Variants in SPAG17 observed in about 807,000 individuals in gnomAD.
SPAG17 encodes sperm associated antigen 17, also known as sperm-associated antigen 17.
Under a neutral mutation model 273.6 loss-of-function variants are expected in SPAG17, and 169 were observed. The ratio of observed to expected loss-of-function variants is 0.62; its 90% CI spans 0.55 to 0.70. SPAG17 has a LOEUF of 0.70. Ranked by LOEUF, SPAG17 falls within the 30% of genes least tolerant of loss-of-function variation. SPAG17 has a pLI of 0.00. For synonymous variants in SPAG17, 825 were observed against 873.2 expected (o/e 0.94, Z 0.97); for missense variants, 2,557 against 2,627.8 (o/e 0.97, Z 0.59).
intron 3 of SPAG17, among the ~76,000 whole-genome samples, chr1:118,141,551 T>G (rs1190182181): frequency 6.6e-6 from 1 of 152,242 alleles, no homozygotes; most frequent in Non-Finnish European, 1.5e-5. Context: ...GAGCAAGAAC[T>G]TTTTAATGAA....
chr1:117,955,014 TTATC>T lies in SPAG17; in HGVS notation c.*1-969_*1-966del, dbSNP rs565311581. ...GGAAGAGTGATGGGAGAATGTATGT[TTATC>T]TAGTAATCTCTAATTAGTATTTTAT... On this transcript the variant is annotated intron_variant, in intron 48 of 48. Transcript: ENST00000336338. The T allele has an allele frequency of 3.7e-4, 145 of 388,128 alleles. 1 individual carries two copies. The highest frequency in any genetic ancestry group is 2.1e-3 in the African/African-American group (99 of 48,184). The allele number at this position is 388,128 out of a possible 1,614,324, so 24.0% of individuals were successfully genotyped here.
chr1:118,176,650 A>G (rs1005140005), intron 1 of SPAG17, among the ~76,000 whole-genome samples: 1 of 152,206 alleles, frequency 6.6e-6, no homozygotes, highest in Non-Finnish European at 1.5e-5. Flanking sequence ...AATCCAGACC[A>G]AAAAATCACC....
At chr1:117,991,329 A>C (rs1657048754) in intron 37 of SPAG17, 86 bp downstream of exon 37, 1 of 761,508 alleles carries the variant, frequency 1.3e-6, no homozygotes, top group Non-Finnish European at 2.0e-6. Flanking sequence ...AAGTGGCAGA[A>C]GCAGCTATTT....
intron 23 of SPAG17, among the ~76,000 whole-genome samples, chr1:118,038,728 A>G (rs1649380139): frequency 6.6e-6 from 1 of 152,186 alleles, no homozygotes. Context: ...AAGCAAAAGT[A>G]TGGACACAGT....
rs532995275 is a variant in SPAG17, at chr1:118,064,300, G to A, written c.2540+2445C>T. Among the ~76,000 whole-genome samples the A allele has an allele frequency of 7.2e-3, 1,090 of 151,806 alleles. 11 individuals carry two copies. Among genetic ancestry groups the A allele is most frequent in the African/African-American group, 0.025 (1,030 of 41,354 alleles). Reference sequence around the variant, plus strand: ...ACACATGCACACGTATGTTTATTGCGGCACTATTCACAATAGCAAAGACTT... The same window carrying A: ...ACACATGCACACGTATGTTTATTGCAGCACTATTCACAATAGCAAAGACTT... On this transcript the variant is annotated intron_variant, in intron 18 of 48. Coordinates refer to ENST00000336338, the MANE Select transcript of SPAG17 (RefSeq NM_206996.4).
chr1:118,178,433 G>C (rs902878000), intron 1 of SPAG17, among the ~76,000 whole-genome samples: 2 of 151,834 alleles, frequency 1.3e-5, no homozygotes, highest in African/African-American at 4.8e-5. Context: ...GGGTGTAGAA[G>C]AAACATACCT....
At chr1:118,180,768 G>C (rs888478107) in intron 1 of SPAG17, among the ~76,000 whole-genome samples, 1 of 151,854 alleles carries the variant, frequency 6.6e-6, no homozygotes, top group African/African-American at 2.4e-5. Context: ...TTTAAAGGGA[G>C]TCCTTGAAGT....
rs1053465951 is a variant in SPAG17, at chr1:117,953,629, A to AT, written c.*420dup. On this transcript the variant is annotated 3_prime_UTR_variant, in exon 49 of 49. Coordinates refer to ENST00000336338, the MANE Select transcript of SPAG17 (RefSeq NM_206996.4). ...TTTATTCTGTATCAACCAGAAAGCC[A>AT]TTTTTTTGGCAAAAAGTTGATGAGA... is the stretch of plus-strand genomic sequence containing the variant. The AT allele has an allele frequency of 6.6e-5, 93 of 1,408,038 alleles. No individual in the cohort carries two copies. The highest frequency in any genetic ancestry group is 7.9e-5 in the Non-Finnish European group (82 of 1,032,226). The allele number at this position is 1,408,038 out of a possible 1,614,324, so 87.2% of individuals were successfully genotyped here.
intron 5 of SPAG17, 21 bp from the exon 6 acceptor site, chr1:118,099,821 A>C: frequency 2.5e-6 from 4 of 1,603,480 alleles, no homozygotes; most frequent in Non-Finnish European, 3.4e-6. Flanking sequence ...TACCATAAAG[A>C]AGAGCAGCCA....
chr1:117,994,928 G>A (rs529603113), intron 34 of SPAG17, among the ~76,000 whole-genome samples: 9 of 152,046 alleles, frequency 5.9e-5, no homozygotes, highest in Non-Finnish European at 8.8e-5. Flanking sequence ...CTCTGTGAAT[G>A]AACCTTCCCT....
chr1:118,161,831 G>A (rs942260039), intron 1 of SPAG17, among the ~76,000 whole-genome samples: 8 of 152,200 alleles, frequency 5.3e-5, no homozygotes, highest in Non-Finnish European at 7.3e-5. Context: ...CACGGCGTCC[G>A]GCCAGGGAAG....
intron 43 of SPAG17, among the ~76,000 whole-genome samples, chr1:117,973,873 GC>G (rs1288802162): frequency 2.0e-5 from 3 of 151,950 alleles, no homozygotes; most frequent in Non-Finnish European, 4.4e-5. Flanking sequence ...CCCTCTTTAT[GC>G]CCATGAGTGT....
chr1:117,984,861 A>G, intron 40 of SPAG17, 79 bp from the exon 41 acceptor site: 1 of 860,974 alleles, frequency 1.2e-6, no homozygotes, highest in Non-Finnish European at 1.9e-6. Context: ...TTAGCTCTAA[A>G]TCCCACAAAA....
chr1:118,098,620 A>G (rs1655867058), intron 6 of SPAG17, among the ~76,000 whole-genome samples: 1 of 152,162 alleles, frequency 6.6e-6, no homozygotes, highest in Admixed American at 6.5e-5. Flanking sequence ...ATCATCAGGA[A>G]TAGCCTAGGT....
chr1:118,124,777 C>G (rs1300760113), intron 3 of SPAG17, among the ~76,000 whole-genome samples: 3 of 152,214 alleles, frequency 2.0e-5, no homozygotes, highest in Non-Finnish European at 2.9e-5. Context: ...CTGGTGATCA[C>G]ACAGCCGGTA....
rs368970114 is a variant in SPAG17 at position 118,147,962 on chromosome 1, G to A, written c.315+2581C>T. ...TTGATTAAAATTGTGTTTAAAATAA[G>A]AATAACTAGGCTTTGATTTAAAGCT... On this transcript the variant is annotated intron_variant, in intron 3 of 48. Coordinates refer to ENST00000336338, the MANE Select transcript of SPAG17 (RefSeq NM_206996.4). 1.8e-4 allele frequency among the ~76,000 whole-genome samples: 27 copies of A among 152,262 alleles called. No individual in the cohort carries two copies. The East Asian group carries it at 5.2e-3, about 29-fold the overall frequency.
chr1:117,967,462 G>A (rs1250493184), intron 46 of SPAG17, among the ~76,000 whole-genome samples: 9 of 152,060 alleles, frequency 5.9e-5, no homozygotes, highest in Admixed American at 4.6e-4. Context: ...AATAACGACA[G>A]GTGATGAGTT....
chr1:118,080,417 C>A (rs1654448834), intron 15 of SPAG17, among the ~76,000 whole-genome samples: 1 of 152,080 alleles, frequency 6.6e-6, no homozygotes, highest in South Asian at 2.1e-4. Context: ...GGCTAGAACA[C>A]AGAGTGTGTG....
chr1:118,071,685 T>A (rs1267210935), intron 17 of SPAG17, among the ~76,000 whole-genome samples: 1 of 151,012 alleles, frequency 6.6e-6, no homozygotes, highest in African/African-American at 2.4e-5. Flanking sequence ...AAAAGGTAAT[T>A]TGAAATTATA....
Sources: gnomAD v4.1 joint callset for allele counts (sites outside exome capture counted in the v4.1 genomes callset) on GRCh38, gnomAD v4.1.1 for gene constraint, MANE v1.5 for transcripts, NCBI Gene and HGNC (gene_info 2026-07-23, HGNC 2026-07-21) for gene names.